The following DACH2 variants were observed in gnomAD, a reference collection of about 807,000 sequenced individuals.
DACH2 encodes dachshund homolog 2.
A neutral mutation model predicts 35.8 loss-of-function variants in DACH2; 17 were observed. The ratio of observed to expected loss-of-function variants is 0.48; its 90% CI spans 0.33 to 0.71. The LOEUF (loss-of-function observed/expected upper bound fraction) is 0.71, where lower values mean the gene tolerates loss of function less well. Ranked by LOEUF, DACH2 falls within the 30% of genes least tolerant of loss-of-function variation. The pLI is 0.02. For synonymous variants in DACH2, 195 were observed against 177.3 expected, an observed-to-expected ratio of 1.10 and a Z score of -0.79; for missense variants, 469 against 472.7, an observed-to-expected ratio of 0.99 and a Z score of 0.07.
At chrX:86,575,170 G>T (rs1203136813) in intron 3 of DACH2, among the ~76,000 whole-genome samples, 1 of 110,631 alleles carries the variant, frequency 9.0e-6, no homozygotes, top group South Asian at 3.8e-4. Flanking sequence ...ATTTCAGTGA[G>T]GTAAAAAAAT....
chrX:86,466,902 G>A (rs2037680127), intron 2 of DACH2, among the ~76,000 whole-genome samples: 1 of 110,938 alleles, frequency 9.0e-6, no homozygotes, highest in Non-Finnish European at 1.9e-5. Flanking sequence ...AAATCCCCAG[G>A]CTGCACACAG....
chrX:86,612,220 A>G (rs2039954597), intron 3 of DACH2, among the ~76,000 whole-genome samples: 1 of 107,529 alleles, frequency 9.3e-6, no homozygotes, highest in Non-Finnish European at 1.9e-5. Flanking sequence ...CTGAGCTGAT[A>G]CACAGCTCTG....
rs1378300889 is a variant in DACH2 at position 86,698,519 on chromosome X, G to GTTTTTTTTTTTTTTTTTTTTTTTTTT, written c.931+3341_931+3342insTTTTTTTTTTTTTTTTTTTTTTTTTT. Among the ~76,000 whole-genome samples the GTTTTTTTTTTTTTTTTTTTTTTTTTT allele has an allele frequency of 5.0e-4, 16 of 32,082 alleles. 3 individuals are homozygous for GTTTTTTTTTTTTTTTTTTTTTTTTTT. Among genetic ancestry groups the GTTTTTTTTTTTTTTTTTTTTTTTTTT allele is most frequent in the Admixed American group, 1.2e-3 (3 of 2,465 alleles). The allele number at this position is 32,082 out of a possible 115,157, so 27.9% of individuals were successfully genotyped here. On this transcript the variant is annotated intron_variant, in intron 5 of 11. Coordinates refer to ENST00000373125, the MANE Select transcript of DACH2 (RefSeq NM_053281.3). ...TTCTTCTTTTTGTTTTGTTAGTTTT[G>GTTTTTTTTTTTTTTTTTTTTTTTTTT]TGTTTTTTTTTTTTTTTTTTTTTTT...
chrX:86,434,088 GA>G (rs1200716304), intron 2 of DACH2, among the ~76,000 whole-genome samples: 1 of 111,887 alleles, frequency 8.9e-6, no homozygotes, highest in Non-Finnish European at 1.9e-5. Context: ...CTGTATGAGA[GA>G]AAAAAACATA....
At chrX:86,323,198 C>G (rs1219633755) in intron 1 of DACH2, among the ~76,000 whole-genome samples, 9 of 112,291 alleles carry the variant, frequency 8.0e-5, no homozygotes, top group African/African-American at 2.9e-4. Context: ...GGCAAGCTGT[C>G]CCCACAGCAT....
At chrX:86,325,470 G>A (rs1200790195) in intron 1 of DACH2, among the ~76,000 whole-genome samples, 1 of 111,964 alleles carries the variant, frequency 8.9e-6, no homozygotes, top group African/African-American at 3.2e-5. Flanking sequence ...TTCATATTGG[G>A]GGCTCAACTT....
At chrX:86,409,028 T>C (rs2036568652) in intron 2 of DACH2, among the ~76,000 whole-genome samples, 1 of 111,555 alleles carries the variant, frequency 9.0e-6, no homozygotes, top group South Asian at 3.7e-4. Context: ...TTCTTATATC[T>C]CTCCAGGATA....
At chrX:86,401,320 C>A (rs1413363639) in intron 2 of DACH2, among the ~76,000 whole-genome samples, 1 of 112,354 alleles carries the variant, frequency 8.9e-6, no homozygotes, top group Non-Finnish European at 1.9e-5. Context: ...CGACCCCTTG[C>A]ACTTCCCGGG....
chrX:86,532,765 T>TA (rs1181560601), intron 3 of DACH2, among the ~76,000 whole-genome samples: 3 of 111,452 alleles, frequency 2.7e-5, no homozygotes, highest in South Asian at 7.5e-4. Flanking sequence ...TTATTCATAA[T>TA]AAGCTCATTC....
intron 1 of DACH2, among the ~76,000 whole-genome samples, chrX:86,296,334 T>C (rs2034456708): frequency 1.0e-5 from 1 of 96,375 alleles, no homozygotes; most frequent in Non-Finnish European, 2.0e-5. Context: ...TGAGCCGAGA[T>C]TGCGCCACTG....
intron 6 of DACH2, among the ~76,000 whole-genome samples, chrX:86,724,028 T>C (rs1798507542): frequency 9.0e-6 from 1 of 111,724 alleles, no homozygotes; most frequent in African/African-American, 3.3e-5. Flanking sequence ...AGTTTCTTGT[T>C]ACCAGCATAA....
chrX:86,818,050 A>G (rs2042470463), intron 11 of DACH2, among the ~76,000 whole-genome samples: 1 of 111,980 alleles, frequency 8.9e-6, no homozygotes, highest in South Asian at 3.6e-4. Flanking sequence ...TGTCTTTAAC[A>G]TTGTCTATAT....
intron 6 of DACH2, among the ~76,000 whole-genome samples, chrX:86,730,918 GT>G (rs1486156398): frequency 9.0e-6 from 1 of 111,225 alleles, no homozygotes; most frequent in African/African-American, 3.3e-5. Context: ...TAAAAAGAAG[GT>G]TATGGGATGT....
chrX:86,724,454 C>T (rs112036891), intron 6 of DACH2, among the ~76,000 whole-genome samples: 1,637 of 111,393 alleles, frequency 0.015, 14 homozygotes, highest in Middle Eastern at 0.041. Flanking sequence ...TATGAAGCTT[C>T]CTCTTGTGGA....
At chrX:86,521,332 A>G (rs969259551) in intron 3 of DACH2, among the ~76,000 whole-genome samples, 39 of 111,208 alleles carry the variant, frequency 3.5e-4, no homozygotes, top group Admixed American at 2.1e-3. Flanking sequence ...TGCCTTTACC[A>G]TTCTTACTTT....
chrX:86,270,144 T>C (rs756611940), intron 1 of DACH2, among the ~76,000 whole-genome samples: 4 of 107,108 alleles, frequency 3.7e-5, no homozygotes, highest in East Asian at 2.9e-4. Flanking sequence ...TACATGCAGA[T>C]TGTAGAAATC....
At chrX:86,659,748 A>T (rs748511959) in intron 4 of DACH2, among the ~76,000 whole-genome samples, 100 of 111,998 alleles carry the variant, frequency 8.9e-4, no homozygotes, top group African/African-American at 3.1e-3. Flanking sequence ...TCAAACAAGC[A>T]TCCTCTCTTT....
intron 7 of DACH2, among the ~76,000 whole-genome samples, chrX:86,776,718 C>G (rs2042036296): frequency 9.0e-6 from 1 of 111,036 alleles, no homozygotes; most frequent in South Asian, 3.8e-4. Flanking sequence ...GGTATATCTC[C>G]TAATGCTATC....
chrX:86,716,284 A>T (rs750834184), intron 6 of DACH2, among the ~76,000 whole-genome samples: 2 of 112,330 alleles, frequency 1.8e-5, no homozygotes, highest in South Asian at 7.3e-4. Context: ...TTGGAGTTAG[A>T]GTTGTCTTTG....
Sources: allele counts gnomAD v4.1 joint callset (sites outside exome capture counted in the v4.1 genomes callset), GRCh38; gene constraint gnomAD v4.1.1; transcripts MANE v1.5; gene names NCBI Gene and HGNC (gene_info 2026-07-23, HGNC 2026-07-21).